LENG1: variants seen among roughly 807,000 people sequenced by gnomAD.
LENG1 encodes the protein leukocyte receptor cluster (LRC) member 1.
LENG1 carries 35 observed loss-of-function variants against 28.8 expected under a neutral mutation model. The ratio of observed to expected loss-of-function variants is 1.22; its 90% CI spans 0.93 to 1.61. The LOEUF (loss-of-function observed/expected upper bound fraction) is 1.61. Among genes scored for constraint, LENG1 ranks in the 40% most tolerant of loss-of-function variants. The pLI, the probability that LENG1 is intolerant of heterozygous loss-of-function variation, is 0.00. For missense variants in LENG1, 404 were observed against 348.9 expected (o/e 1.16, Z -1.26); for synonymous variants, 170 against 140.6 (o/e 1.21, Z -1.48).
At chr19:54,159,291 T>C (rs1427882179) in intron 1 of LENG1, among the ~76,000 whole-genome samples, 3 of 152,238 alleles carry the variant, frequency 2.0e-5, no homozygotes, top group African/African-American at 7.2e-5. Flanking sequence ...ACGGATTCAT[T>C]AAATGTTAAG....
chr19:54,156,879 A>G lies in LENG1; in HGVS notation c.459T>C (p.Arg153=). Residue 153 remains arginine (R), a synonymous_variant, in exon 3 of 4, where the codon CGT becomes CGC. Transcript: ENST00000222224. ...GPAPDEKIKS[R]LDPLREMQKH... is the part of the protein sequence containing the mutation. Reference sequence around the variant, plus strand: ...TCTGCATCTCCCGCAGAGGGTCCAGACGGCTCTTGATCTTCTCATCTGGGG... The same window carrying G: ...TCTGCATCTCCCGCAGAGGGTCCAGGCGGCTCTTGATCTTCTCATCTGGGG... The G allele has an allele frequency of 7.5e-7, 1 of 1,329,068 alleles. No homozygotes were observed. Among genetic ancestry groups the G allele is most frequent in the Non-Finnish European group, 1.1e-6 (1 of 937,336 alleles). 82.3% of individuals were successfully genotyped at this position (1,329,068 alleles called of 1,614,324 possible).
intron 1 of LENG1, 150 bp downstream of exon 1, chr19:54,159,414 G>A: frequency 1.2e-6 from 1 of 822,020 alleles, no homozygotes; most frequent in Non-Finnish European, 1.8e-6. Flanking sequence ...CAAGGTTTGC[G>A]GGGCAACGTC....
chr19:54,158,527 G>T, intron 1 of LENG1, 66 bp from the exon 2 acceptor site: 1 of 1,488,348 alleles, frequency 6.7e-7, no homozygotes, highest in Non-Finnish European at 9.2e-7. Flanking sequence ...TGAGTCTGGT[G>T]CCCACCACAG....
At chr19:54,158,929 G>A (rs1391036807) in intron 1 of LENG1, among the ~76,000 whole-genome samples, 1 of 152,202 alleles carries the variant, frequency 6.6e-6, no homozygotes, top group African/African-American at 2.4e-5. Flanking sequence ...CACGGCGGAG[G>A]ATCAGACTAG....
chr19:54,158,018 T>G (rs973264917), intron 2 of LENG1, among the ~76,000 whole-genome samples: 2 of 152,240 alleles, frequency 1.3e-5, no homozygotes, highest in African/African-American at 4.8e-5. Flanking sequence ...ATTTAAATTT[T>G]TAAAAGCCCA....
intron 3 of LENG1, 65 bp downstream of exon 3, chr19:54,156,698 C>T: frequency 6.6e-7 from 1 of 1,504,384 alleles, no homozygotes; most frequent in South Asian, 1.3e-5. Flanking sequence ...CTGCAGTGCC[C>T]ATGCTGGGCT....
At chr19:54,158,843 C>G (rs2146843286) in intron 1 of LENG1, among the ~76,000 whole-genome samples, 1 of 152,336 alleles carries the variant, frequency 6.6e-6, no homozygotes, top group African/African-American at 2.4e-5. Flanking sequence ...AGCCCTGTCC[C>G]CTGCCTTCAG....
intron 2 of LENG1, among the ~76,000 whole-genome samples, chr19:54,157,449 A>G (rs1397348535): frequency 2.0e-5 from 3 of 150,836 alleles, no homozygotes; most frequent in Non-Finnish European, 4.4e-5. Flanking sequence ...GCTCACTGCA[A>G]CCTCTGCTTC....
At chr19:54,157,055 G>A in intron 2 of LENG1, 30 bp from the exon 3 acceptor site, 1 of 1,494,260 alleles carries the variant, frequency 6.7e-7, no homozygotes, top group Non-Finnish European at 8.9e-7. Flanking sequence ...CAAGAGATGT[G>A]ATATAATCTT....
chr19:54,155,431 C>G lies in LENG1; in HGVS notation c.*290G>C. 1 of 1,479,422 alleles carries G rather than the reference C, an allele frequency of 6.8e-7. No individual in the cohort carries two copies. The highest frequency in any genetic ancestry group is 1.2e-5 in the South Asian group (1 of 83,200). The allele number at this position is 1,479,422 out of a possible 1,614,324, so 91.6% of individuals were successfully genotyped here. ...GACACCGGCCCCTCCCTCTACCCAC[C>G]CCCTTCCCCCGCATGCTGATCCCCC... On this transcript the variant is annotated 3_prime_UTR_variant, in exon 4 of 4. Transcript: ENST00000222224.
In LENG1 at chr19:54,155,801, G is replaced by A. The variant is rs773775602; in HGVS notation, c.715C>T (p.Arg239Trp). 5.6e-5 allele frequency: 90 copies of A among 1,611,776 alleles called. No individual in the cohort carries two copies. The highest frequency in any genetic ancestry group is 1.5e-4 in the Admixed American group (9 of 59,858). The change falls in exon 4 of 4, where the codon CGG becomes TGG. Residue 239 changes from arginine to tryptophan, a missense_variant. Coordinates refer to ENST00000222224, the MANE Select transcript of LENG1 (RefSeq NM_024316.3). ...AATTGGGAGTTGTACCGCCGCCGCC[G>A]GTCATCCGTCTCGTCTTCTTCCGGC... ...GQPEEDETDD[R>W]RRRYNSQFNP...
chr19:54,157,499 G>C (rs978975710), intron 2 of LENG1, among the ~76,000 whole-genome samples: 46 of 152,180 alleles, frequency 3.0e-4, no homozygotes, highest in African/African-American at 1.1e-3. Flanking sequence ...CCCCCGAGTA[G>C]CTGGGATTAC....
At chr19:54,156,289 G>A (rs1311685604) in intron 3 of LENG1, among the ~76,000 whole-genome samples, 5 of 152,204 alleles carry the variant, frequency 3.3e-5, no homozygotes, top group African/African-American at 1.2e-4. Flanking sequence ...CCTGGAGACA[G>A]AAGCCTGCTT....
intron 1 of LENG1, among the ~76,000 whole-genome samples, 176 bp downstream of exon 1, chr19:54,159,388 T>A (rs1050722980): frequency 3.3e-5 from 5 of 152,200 alleles, no homozygotes; most frequent in Admixed American, 6.5e-5. Flanking sequence ...CAAGGAAGGT[T>A]TCGTGGAAGT....
rs2075373495 is a variant in LENG1, at chr19:54,155,884, C to A, written c.632G>T (p.Arg211Met). The change falls in exon 4 of 4, where the codon AGG (arginine) becomes ATG (methionine). Residue 211 changes from arginine to methionine, a missense_variant. Coordinates refer to ENST00000222224, the MANE Select transcript of LENG1 (RefSeq NM_024316.3). ...AERLRREAAE[R>M]SRAEALLARV... is the part of the protein sequence containing the mutation. ...GGCCAGCAGGGCCTCTGCCCGAGAC[C>A]TCTCAGCTGCTTCCCTCCGCAGACG... 5.6e-6 allele frequency: 9 copies of A among 1,612,838 alleles called. No individual in the cohort carries two copies. In the East Asian group the frequency reaches 1.6e-4, roughly 28 times the overall value.
At chr19:54,156,496 C>T (rs73613029) in intron 3 of LENG1, among the ~76,000 whole-genome samples, 1,854 of 152,322 alleles carry the variant, frequency 0.012, 33 homozygotes, top group African/African-American at 0.041. Flanking sequence ...ATCACACAGC[C>T]TCTGGAAACC....
Position 54,155,537 on chromosome 19 carries a change from A to T in LENG1, c.*184T>A. ...CATCCCCCTCTCCCAGGAAGCAGGG[A>T]GGGGGCCGGGAGGTTTTCCTCTCAG... On this transcript the variant is annotated 3_prime_UTR_variant, in exon 4 of 4. Coordinates refer to ENST00000222224, the MANE Select transcript of LENG1 (RefSeq NM_024316.3). 3.3e-6 allele frequency: 3 copies of T among 904,828 alleles called. No homozygotes were observed. The highest frequency in any genetic ancestry group is 5.0e-6 in the Non-Finnish European group (3 of 605,036). The allele number at this position is 904,828 out of a possible 1,614,324, so 56.0% of individuals were successfully genotyped here.
chr19:54,155,508 G>T lies in LENG1; in HGVS notation c.*213C>A. The T allele has an allele frequency of 1.1e-6, 1 of 944,332 alleles. No homozygotes were observed. Among genetic ancestry groups the T allele is most frequent in the Non-Finnish European group, 1.6e-6 (1 of 635,722 alleles). 58.5% of individuals were successfully genotyped at this position (944,332 alleles called of 1,614,324 possible). A position where few individuals can be genotyped will look rare whatever the true frequency, so the allele number is the denominator to read the frequency against. On this transcript the variant is annotated 3_prime_UTR_variant, in exon 4 of 4. Coordinates refer to ENST00000222224, the MANE Select transcript of LENG1 (RefSeq NM_024316.3). ...AGACTGGAGGGAGGCCCCAAGCCAC[G>T]GGGCATCCCCCTCTCCCAGGAAGCA...
In LENG1 at chr19:54,155,690, A is replaced by G. The variant is rs771829802; in HGVS notation, c.*31T>C. 3 of 1,530,800 alleles carry G rather than the reference A, an allele frequency of 2.0e-6. No individual in the cohort carries two copies. In the African/African-American group the frequency reaches 4.1e-5, roughly 21 times the overall value. 94.8% of individuals were successfully genotyped at this position (1,530,800 alleles called of 1,614,324 possible). ...TAAATAGTTTTATATGACGGCTGGCAGCAGCGGCCTCTCCTGTACCCCCTC... is the reference window on the plus strand; with the variant it reads ...TAAATAGTTTTATATGACGGCTGGCGGCAGCGGCCTCTCCTGTACCCCCTC... On this transcript the variant is annotated 3_prime_UTR_variant, in exon 4 of 4. Transcript: ENST00000222224.
Sources: allele counts gnomAD v4.1 joint callset (sites outside exome capture counted in the v4.1 genomes callset), GRCh38; gene constraint gnomAD v4.1.1; transcripts MANE v1.5; gene names NCBI Gene and HGNC (gene_info 2026-07-23, HGNC 2026-07-21).